The following GMDS variants were observed in gnomAD, a reference collection of about 807,000 sequenced individuals.
GMDS encodes GDP-mannose 4,6 dehydratase.
GMDS carries 20 observed loss-of-function variants against 49.9 expected under a neutral mutation model. The ratio of observed to expected loss-of-function variants is 0.40; its 90% CI spans 0.28 to 0.58. The LOEUF is 0.58. Among genes scored for constraint, GMDS ranks in the 20% least tolerant of loss-of-function variants. GMDS has a pLI of 0.42. For missense variants in GMDS, 362 were observed against 481.4 expected (o/e 0.75, Z 2.32); for synonymous variants, 177 against 178.6 (o/e 0.99, Z 0.07).
chr6:2,097,456 G>A (rs896763172), intron 4 of GMDS, among the ~76,000 whole-genome samples: 2 of 152,028 alleles, frequency 1.3e-5, no homozygotes, highest in Non-Finnish European at 2.9e-5. Flanking sequence ...AAACGACGAG[G>A]GGTGAAACTG....
intron 7 of GMDS, among the ~76,000 whole-genome samples, chr6:1,894,349 T>G (rs940895495): frequency 1.3e-5 from 2 of 152,234 alleles, no homozygotes; most frequent in African/African-American, 4.8e-5. Flanking sequence ...TATTTCATAT[T>G]TTGTGTTATA....
intron 1 of GMDS, among the ~76,000 whole-genome samples, chr6:2,188,370 C>T (rs1473144644): frequency 6.6e-6 from 1 of 152,190 alleles, no homozygotes; most frequent in Non-Finnish European, 1.5e-5. Flanking sequence ...CAGCAACCTT[C>T]TTTTAGTCTC....
At chr6:1,911,399 A>G (rs1192040911) in intron 7 of GMDS, among the ~76,000 whole-genome samples, 1 of 152,222 alleles carries the variant, frequency 6.6e-6, no homozygotes, top group Non-Finnish European at 1.5e-5. Context: ...AATGTTTCCC[A>G]TCCCAAAATA....
chr6:1,837,798 G>T (rs1561837490), intron 7 of GMDS, among the ~76,000 whole-genome samples: 1 of 152,104 alleles, frequency 6.6e-6, no homozygotes, highest in South Asian at 2.1e-4. Context: ...GAATGGCTGG[G>T]GCTTTGTGCA....
At chr6:2,073,599 T>C (rs1772143823) in intron 4 of GMDS, among the ~76,000 whole-genome samples, 1 of 152,154 alleles carries the variant, frequency 6.6e-6, no homozygotes, top group African/African-American at 2.4e-5. Context: ...AGAACTTACA[T>C]CTTCTAACTG....
At chr6:1,739,272 C>A (rs369778027) in intron 8 of GMDS, among the ~76,000 whole-genome samples, 17 of 152,214 alleles carry the variant, frequency 1.1e-4, no homozygotes, top group African/African-American at 4.1e-4. Flanking sequence ...GGGGAGAGCA[C>A]TGAACTGCAC....
intron 7 of GMDS, among the ~76,000 whole-genome samples, chr6:1,787,764 C>T (rs943324807): frequency 2.0e-5 from 3 of 152,138 alleles, no homozygotes; most frequent in Admixed American, 6.5e-5. Context: ...GCCTGAAATG[C>T]GTAAATACAG....
At chr6:2,061,837 G>A (rs977426483) in intron 4 of GMDS, among the ~76,000 whole-genome samples, 1 of 151,642 alleles carries the variant, frequency 6.6e-6, no homozygotes, top group African/African-American at 2.4e-5. Context: ...AACAATAGGA[G>A]ACTAGAGGGT....
intron 4 of GMDS, among the ~76,000 whole-genome samples, chr6:2,105,049 G>A (rs930152531): frequency 6.6e-6 from 1 of 152,022 alleles, no homozygotes; most frequent in Non-Finnish European, 1.5e-5. Flanking sequence ...AGGTGTGGTG[G>A]CAGGCACCTG....
chr6:1,844,949 G>A (rs1478712298), intron 7 of GMDS, among the ~76,000 whole-genome samples: 1 of 152,220 alleles, frequency 6.6e-6, no homozygotes, highest in African/African-American at 2.4e-5. Flanking sequence ...TATTCAGGAA[G>A]GAAAATTTGG....
intron 6 of GMDS, among the ~76,000 whole-genome samples, chr6:1,936,681 T>A (rs1762558750): frequency 6.6e-6 from 1 of 152,104 alleles, no homozygotes; most frequent in Non-Finnish European, 1.5e-5. Flanking sequence ...AAGATTACAA[T>A]AGAGGCCAGG....
chr6:2,042,514 A>C (rs1479731053), intron 4 of GMDS, among the ~76,000 whole-genome samples: 1 of 152,208 alleles, frequency 6.6e-6, no homozygotes, highest in African/African-American at 2.4e-5. Flanking sequence ...GCTTACAGCG[A>C]AAGAATTACA....
chr6:1,688,187 G>C (rs1310573108), intron 9 of GMDS, among the ~76,000 whole-genome samples: 3 of 152,162 alleles, frequency 2.0e-5, no homozygotes, highest in Non-Finnish European at 4.4e-5. Flanking sequence ...TGGGGTGTGA[G>C]AGAGGGAGGG....
At chr6:1,871,492 A>G (rs1389272735) in intron 7 of GMDS, among the ~76,000 whole-genome samples, 1 of 152,222 alleles carries the variant, frequency 6.6e-6, no homozygotes, top group Non-Finnish European at 1.5e-5. Context: ...ATAACAATAA[A>G]TGATGTTCCC....
chr6:1,845,907 G>T (rs182499470), intron 7 of GMDS, among the ~76,000 whole-genome samples: 217 of 152,036 alleles, frequency 1.4e-3, no homozygotes, highest in Admixed American at 2.0e-3. Context: ...GTGGCTCAGG[G>T]GGTTGGGGAC....
At chr6:1,934,247 C>T (rs1195889737) in intron 6 of GMDS, among the ~76,000 whole-genome samples, 2 of 152,154 alleles carry the variant, frequency 1.3e-5, no homozygotes, top group East Asian at 3.8e-4. Context: ...TATGTCTATC[C>T]TTATGACAGT....
At chr6:1,681,180 C>T (rs1393375636) in intron 9 of GMDS, among the ~76,000 whole-genome samples, 1 of 151,914 alleles carries the variant, frequency 6.6e-6, no homozygotes, top group East Asian at 1.9e-4. Context: ...CACCGAGAGG[C>T]GATGAGCACA....
intron 1 of GMDS, among the ~76,000 whole-genome samples, chr6:2,160,490 C>A (rs1159243922): frequency 2.6e-5 from 4 of 152,146 alleles, no homozygotes; most frequent in African/African-American, 7.2e-5. Context: ...AAAATAGATT[C>A]TTTTTAAAGA....
At chr6:1,759,981 G>C (rs1006929269) in intron 7 of GMDS, among the ~76,000 whole-genome samples, 2 of 148,858 alleles carry the variant, frequency 1.3e-5, no homozygotes, top group East Asian at 4.1e-4. Flanking sequence ...AAAGACATTT[G>C]CAGTAAGAGA....
Sources: allele counts gnomAD v4.1 joint callset (sites outside exome capture counted in the v4.1 genomes callset), GRCh38; gene constraint gnomAD v4.1.1; transcripts MANE v1.5; gene names NCBI Gene and HGNC (gene_info 2026-07-23, HGNC 2026-07-21).